Variants in ANKAR observed in about 807,000 individuals in gnomAD.
ANKAR encodes the protein ankyrin and armadillo repeat containing.
Under a neutral mutation model 146.2 loss-of-function variants are expected in ANKAR, and 136 were observed. The ratio of observed to expected loss-of-function variants is 0.93; its 90% CI spans 0.81 to 1.07. The LOEUF is 1.07. Among genes scored for constraint, ANKAR ranks in the 50% least tolerant of loss-of-function variants. The pLI is 0.00. For missense variants in ANKAR, 1,567 were observed against 1,679.9 expected, an observed-to-expected ratio of 0.93 and a Z score of 1.18; for synonymous variants, 500 against 575.8, an observed-to-expected ratio of 0.87 and a Z score of 1.88.
At chr2:189,736,868 T>C (rs1183398397) in intron 17 of ANKAR, among the ~76,000 whole-genome samples, 1 of 150,878 alleles carries the variant, frequency 6.6e-6, no homozygotes, top group African/African-American at 2.4e-5. Context: ...AGCTCAGGAG[T>C]TCAAGACCAG....
At chr2:189,702,659 C>A (rs2038248086) in intron 7 of ANKAR, among the ~76,000 whole-genome samples, 1 of 152,086 alleles carries the variant, frequency 6.6e-6, no homozygotes, top group Non-Finnish European at 1.5e-5. Context: ...TCCTTAAATG[C>A]CGGACCAGAA....
chr2:189,731,378 T>TC (rs934336546), intron 16 of ANKAR, among the ~76,000 whole-genome samples: 10 of 147,298 alleles, frequency 6.8e-5, no homozygotes, highest in African/African-American at 2.0e-4. Flanking sequence ...TCTTTTTTCT[T>TC]TTTTTTTTTT....
chr2:189,728,590 A>G (rs2042107866), intron 14 of ANKAR, 70 bp from the exon 15 acceptor site: 1 of 1,549,328 alleles, frequency 6.5e-7, no homozygotes, highest in African/African-American at 1.4e-5. Flanking sequence ...AGTGTCAGCC[A>G]CCGTGTCCTC....
In ANKAR at chr2:189,692,511, G is replaced by A. The variant is rs561495622; in HGVS notation, c.1203+93G>A. On this transcript the variant is annotated intron_variant, in intron 4 of 22. Coordinates refer to ENST00000684021, the MANE Select transcript of ANKAR (RefSeq NM_001378068.1). Reference sequence around the variant, plus strand: ...AGAGCCTCTGTTGGTACAGGCACTCGACAGCTCTCCAAATGATTATTCTCA... The same window carrying A: ...AGAGCCTCTGTTGGTACAGGCACTCAACAGCTCTCCAAATGATTATTCTCA... 1.9e-5 allele frequency: 21 copies of A among 1,090,966 alleles called. 1 individual carries two copies. Among genetic ancestry groups the A allele is most frequent in the East Asian group, 7.6e-5 (3 of 39,260 alleles). 67.6% of individuals were successfully genotyped at this position (1,090,966 alleles called of 1,614,324 possible). A position where few individuals can be genotyped will look rare whatever the true frequency, so the allele number is the denominator to read the frequency against.
intron 2 of ANKAR, among the ~76,000 whole-genome samples, chr2:189,681,511 A>G (rs1171932326): frequency 1.3e-5 from 2 of 152,178 alleles, no homozygotes; most frequent in Non-Finnish European, 2.9e-5. Context: ...GAACATTCTA[A>G]TCAAGTTGTA....
chr2:189,695,803 A>G (rs894656934), intron 6 of ANKAR, among the ~76,000 whole-genome samples: 1 of 152,200 alleles, frequency 6.6e-6, no homozygotes, highest in African/African-American at 2.4e-5. Flanking sequence ...TTGGATGACA[A>G]ACTGTATTTC....
At chr2:189,704,379 A>G (rs1244661056) in intron 7 of ANKAR, among the ~76,000 whole-genome samples, 1 of 150,898 alleles carries the variant, frequency 6.6e-6, no homozygotes, top group Non-Finnish European at 1.5e-5. Flanking sequence ...TCGTGACCTC[A>G]GGTGATCCAC....
In ANKAR at chr2:189,705,456, C is replaced by T. The variant is rs1037970696; in HGVS notation, c.1910+232C>T. ...CACTTATCATTAGAATTTATAAAGGCGAGAGCTTCTATTAACCTATGCATG... is the reference window on the plus strand; with the variant it reads ...CACTTATCATTAGAATTTATAAAGGTGAGAGCTTCTATTAACCTATGCATG... On this transcript the variant is annotated intron_variant, in intron 8 of 22. Coordinates refer to ENST00000684021, the MANE Select transcript of ANKAR (RefSeq NM_001378068.1). 9.2e-5 allele frequency among the ~76,000 whole-genome samples: 14 copies of T among 152,190 alleles called. No individual in the cohort carries two copies. Among genetic ancestry groups the T allele is most frequent in the Admixed American group, 6.5e-4 (10 of 15,274 alleles).
chr2:189,761,549 C>A (rs780766000), downstream of ANKAR: 2 of 1,610,968 alleles, frequency 1.2e-6, no homozygotes, highest in African/African-American at 2.7e-5. Flanking sequence ...AAATAGTGTT[C>A]CAGGATGAAA....
At chr2:189,701,809 C>A (rs918980358) in intron 7 of ANKAR, among the ~76,000 whole-genome samples, 1 of 152,154 alleles carries the variant, frequency 6.6e-6, no homozygotes, top group East Asian at 1.9e-4. Flanking sequence ...TGTCTGGTTC[C>A]GATGCTTGCT....
In ANKAR at chr2:189,707,008, A is replaced by G. The variant is rs1185931723; in HGVS notation, c.1981A>G (p.Ile661Val). The G allele has an allele frequency of 3.7e-6, 6 of 1,613,680 alleles. No individual in the cohort carries two copies. In the South Asian group the frequency reaches 4.4e-5, roughly 12 times the overall value. Residue 661 changes from isoleucine to valine, a missense_variant, in exon 9 of 23, where the codon ATC (isoleucine) becomes GTC (valine). Physicochemically the swap from Ile to Val is conservative, Grantham distance 29. Transcript: ENST00000684021. ...GGACACTATTCAATACCTGTTTTCTATCGGTGCTAACTGGAGAAAAACAGA... is the reference window on the plus strand; with the variant it reads ...GGACACTATTCAATACCTGTTTTCTGTCGGTGCTAACTGGAGAAAAACAGA... ...ALDTIQYLFS[I>V]GANWRKTDIK...
At chr2:189,733,279 A>AT in intron 17 of ANKAR, 50 bp downstream of exon 17, 1 of 1,460,390 alleles carries the variant, frequency 6.8e-7, no homozygotes, top group Non-Finnish European at 9.2e-7. Context: ...AATGGTTTTT[A>AT]TACCACATCT....
At chr2:189,752,132 ACT>A (rs1012231233) in intron 18 of ANKAR, among the ~76,000 whole-genome samples, 4 of 151,086 alleles carry the variant, frequency 2.6e-5, no homozygotes, top group Non-Finnish European at 5.9e-5. Context: ...TGACACTAAG[ACT>A]CTAAAAAAAA....
intron 10 of ANKAR, among the ~76,000 whole-genome samples, chr2:189,718,853 C>G (rs1318270041): frequency 6.6e-6 from 1 of 151,350 alleles, no homozygotes; most frequent in South Asian, 2.1e-4. Context: ...GGGTTCACGC[C>G]ATTCTCCTGC....
intron 18 of ANKAR, chr2:189,754,226 C>T (rs779150537): frequency 3.7e-6 from 6 of 1,613,716 alleles, no homozygotes; most frequent in South Asian, 3.3e-5. Context: ...TAGCATGATG[C>T]AAGGGAGGTT....
intron 14 of ANKAR, 96 bp downstream of exon 14, chr2:189,728,516 C>T: frequency 6.8e-7 from 1 of 1,461,818 alleles, no homozygotes; most frequent in South Asian, 1.4e-5. Context: ...TAGCTCACTG[C>T]AGCCTCAAAC....
At chr2:189,726,341 G>T (rs2041874674) in intron 12 of ANKAR, among the ~76,000 whole-genome samples, 2 of 151,938 alleles carry the variant, frequency 1.3e-5, no homozygotes, top group Admixed American at 1.3e-4. Flanking sequence ...TTGAAATGAG[G>T]TTGCTATGTT....
Position 189,738,659 on chromosome 2 carries a change from A to C in ANKAR, c.3677A>C (p.Gln1226Pro). The change falls in exon 19 of 23, where the codon CAG becomes CCG. Residue 1226 changes from glutamine to proline, a missense_variant. Gln to Pro is a moderately conservative substitution (Grantham distance 76). Coordinates refer to ENST00000684021, the MANE Select transcript of ANKAR (RefSeq NM_001378068.1). ...TILVDSLYSV[Q>P]TSTIVLTGNL... is the part of the protein sequence containing the mutation. ...TTAGTTGATAGTCTGTATTCAGTTCAGACTTCTACTATTGTCTTGACAGGT... is the reference window on the plus strand; with the variant it reads ...TTAGTTGATAGTCTGTATTCAGTTCCGACTTCTACTATTGTCTTGACAGGT... The C allele has an allele frequency of 6.2e-7, 1 of 1,605,680 alleles. No homozygotes were observed. The highest frequency in any genetic ancestry group is 8.5e-7 in the Non-Finnish European group (1 of 1,175,078).
chr2:189,683,468 T>A (rs2035058369), intron 2 of ANKAR, among the ~76,000 whole-genome samples: 2 of 152,152 alleles, frequency 1.3e-5, no homozygotes, highest in South Asian at 2.1e-4. Flanking sequence ...TCAGGTCAAG[T>A]CTGTGTGGAG....
Sources: gnomAD v4.1 joint callset for allele counts (sites outside exome capture counted in the v4.1 genomes callset) on GRCh38, gnomAD v4.1.1 for gene constraint, MANE v1.5 for transcripts, NCBI Gene and HGNC (gene_info 2026-07-23, HGNC 2026-07-21) for gene names.